FARP2: variants seen among roughly 807,000 people sequenced by gnomAD.
The protein encoded by FARP2 is FERM, ARHGEF and pleckstrin domain-containing protein 2.
In FARP2, 111 loss-of-function variants were observed where a neutral mutation model predicts 130.5. The observed-to-expected ratio is 0.85, with a 90% CI of 0.73 to 1.00. The LOEUF (loss-of-function observed/expected upper bound fraction) is 1.00, where lower values mean the gene tolerates loss of function less well. Ranked by LOEUF, FARP2 falls within the 50% of genes least tolerant of loss-of-function variation. The probability of loss-of-function intolerance (pLI) is 0.00; values close to 1 mark genes in which losing one functional copy is unlikely to be tolerated. For missense variants in FARP2, 1,385 were observed against 1,346.3 expected (o/e 1.03, Z -0.45); for synonymous variants, 504 against 516.9 (o/e 0.98, Z 0.34).
intron 17 of FARP2, among the ~76,000 whole-genome samples, chr2:241,467,912 G>T (rs568884253): frequency 1.3e-5 from 2 of 152,340 alleles, no homozygotes; most frequent in South Asian, 4.1e-4. Flanking sequence ...GGTTAGTGGT[G>T]CATGTAGCAG....
intron 2 of FARP2, among the ~76,000 whole-genome samples, chr2:241,385,794 A>G (rs961939353): frequency 6.6e-6 from 1 of 152,172 alleles, no homozygotes; most frequent in African/African-American, 2.4e-5. Flanking sequence ...CATTTACGTC[A>G]TATCATCCAT....
At chr2:241,434,030 G>T in intron 9 of FARP2, 128 bp from the exon 10 acceptor site, 1 of 736,310 alleles carries the variant, frequency 1.4e-6, no homozygotes, top group South Asian at 1.9e-5. Context: ...GCAAGATCCT[G>T]TCTCAAAAAA....
intron 19 of FARP2, among the ~76,000 whole-genome samples, chr2:241,483,092 C>T (rs572033458): frequency 6.6e-6 from 1 of 152,286 alleles, no homozygotes. Context: ...CGAACCTGCT[C>T]CTGTCCAATG....
chr2:241,465,395 G>T (rs1249876765), intron 17 of FARP2: 1 of 1,280,996 alleles, frequency 7.8e-7, no homozygotes, highest in South Asian at 1.3e-5. Flanking sequence ...TAGCTGCTGT[G>T]GGGAGGGCAG....
chr2:241,408,199 C>T (rs115271170), intron 5 of FARP2, among the ~76,000 whole-genome samples: 11,578 of 152,064 alleles, frequency 0.076, 598 homozygotes, highest in Middle Eastern at 0.12. Context: ...TTTGAAACCC[C>T]GTCTCCACTA....
rs1225569069 is a variant in FARP2 at position 241,460,446 on chromosome 2, CCTT to C, written c.1588-2076_1588-2074del. ...CAGGTGTGACCACCTGCTTGGCTAACCTTTTTTTTTTTTAAGAGACAGGGTCTC... is the reference window on the plus strand; with the variant it reads ...CAGGTGTGACCACCTGCTTGGCTAACTTTTTTTTTTAAGAGACAGGGTCTC... On this transcript the variant is annotated intron_variant, in intron 14 of 26. Transcript: ENST00000264042. Among the ~76,000 whole-genome samples, 93 of 144,856 alleles carry C rather than the reference CCTT, an allele frequency of 6.4e-4. 1 individual carries two copies. The highest frequency in any genetic ancestry group is 2.3e-3 in the African/African-American group (89 of 39,060).
chr2:241,431,623 G>A (rs1574811687), intron 8 of FARP2, 56 bp from the exon 9 acceptor site: 1 of 866,880 alleles, frequency 1.2e-6, no homozygotes, highest in East Asian at 2.6e-5. Context: ...CCTATTTCAT[G>A]AGAAAGGGGT....
rs553324018 is a variant in FARP2 at position 241,487,677 on chromosome 2, A to AG, written c.2422-2285_2422-2284insG. On this transcript the variant is annotated intron_variant, in intron 21 of 26. Coordinates refer to ENST00000264042, the MANE Select transcript of FARP2 (RefSeq NM_014808.4). ...ACAAGACTCCCTCTCAAAAAAAAAAAAAAGAAAGAAAAGAAAATGCATTTA... is the reference window on the plus strand; with the variant it reads ...ACAAGACTCCCTCTCAAAAAAAAAAAGAAAGAAAGAAAAGAAAATGCATTTA... Among the ~76,000 whole-genome samples, 155 of 150,806 alleles carry AG rather than the reference A, an allele frequency of 1.0e-3. 1 individual carries two copies. The highest frequency in any genetic ancestry group is 3.4e-3 in the African/African-American group (140 of 41,114).
intron 17 of FARP2, chr2:241,466,283 C>T: frequency 1.4e-5 from 14 of 985,412 alleles, no homozygotes; most frequent in African/African-American, 1.7e-5. Flanking sequence ...TGGTGAGTCC[C>T]GGAGTAGTGC....
intron 9 of FARP2, 88 bp from the exon 10 acceptor site, chr2:241,434,070 C>A: frequency 1.0e-6 from 1 of 999,488 alleles, no homozygotes; most frequent in Non-Finnish European, 1.5e-6. Context: ...TTTTGGAATT[C>A]CCTATCGTGT....
chr2:241,442,502 CA>C (rs1449182265), intron 13 of FARP2: 2 of 456,188 alleles, frequency 4.4e-6, no homozygotes, highest in Non-Finnish European at 8.8e-6. Context: ...AATTTGACTC[CA>C]GGAGAGCAAA....
intron 2 of FARP2, among the ~76,000 whole-genome samples, chr2:241,396,661 G>A (rs1012598789): frequency 2.4e-4 from 37 of 152,236 alleles, no homozygotes; most frequent in Non-Finnish European, 4.1e-4. Context: ...TTAGAATGGC[G>A]ATCATTAAAA....
At chr2:241,366,116 T>TATATATATACGTATATATATACAC (rs2061306518) in intron 1 of FARP2, among the ~76,000 whole-genome samples, 1 of 32,998 alleles carries the variant, frequency 3.0e-5, no homozygotes, top group African/African-American at 9.5e-5. Flanking sequence ...TATATATATA[T>TATATATATACGTATATATATACAC]ATATACGTAT....
At chr2:241,362,008 C>T (rs1241540079) in intron 1 of FARP2, among the ~76,000 whole-genome samples, 1 of 151,970 alleles carries the variant, frequency 6.6e-6, no homozygotes, top group African/African-American at 2.4e-5. Flanking sequence ...GATTCTCCTG[C>T]CTCAGTCTCC....
Position 241,417,991 on chromosome 2 carries a change from A to G in FARP2, c.653A>G (p.Gln218Arg), listed in dbSNP as rs1208924167. ...CAGACACCTGCTGAGTCGGATTTCC[A>G]GGTGCTCGAAATTGCTCGAAAGTTG... Reference protein sequence around the residue: ...VGQTPAESDFQVLEIARKLEM... With the variant: ...VGQTPAESDFRVLEIARKLEM... Residue 218 changes from glutamine (Q) to arginine (R), a missense_variant, in exon 8 of 27, where the codon CAG becomes CGG. By Grantham distance (43) the Gln-to-Arg change is conservative. Transcript: ENST00000264042. The G allele has an allele frequency of 1.2e-6, 2 of 1,614,070 alleles. No homozygotes were observed. The highest frequency in any genetic ancestry group is 4.5e-5 in the East Asian group (2 of 44,892).
intron 19 of FARP2, among the ~76,000 whole-genome samples, chr2:241,477,123 C>CT (rs71406462): frequency 0.034 from 4,146 of 122,560 alleles, 304 homozygotes; most frequent in African/African-American, 0.11. Context: ...ATTCATGTTC[C>CT]TTTTTTTTTT....
chr2:241,360,816 G>T (rs1013045446), intron 1 of FARP2, among the ~76,000 whole-genome samples: 3 of 152,112 alleles, frequency 2.0e-5, no homozygotes. Context: ...TCCTTTGGCT[G>T]TGTACTTTTT....
intron 15 of FARP2, 138 bp from the exon 16 acceptor site, chr2:241,463,197 G>T: frequency 1.3e-6 from 1 of 794,652 alleles, no homozygotes; most frequent in Middle Eastern, 3.8e-4. Context: ...GATGGCTGTA[G>T]TGCTGATCTG....
intron 2 of FARP2, among the ~76,000 whole-genome samples, chr2:241,389,758 C>A (rs756369922): frequency 2.6e-5 from 4 of 152,076 alleles, no homozygotes; most frequent in Non-Finnish European, 4.4e-5. Flanking sequence ...ATATCTGTTT[C>A]TTTTTTATCT....
Sources: gnomAD v4.1 joint callset for allele counts (sites outside exome capture counted in the v4.1 genomes callset) on GRCh38, gnomAD v4.1.1 for gene constraint, MANE v1.5 for transcripts, NCBI Gene and HGNC (gene_info 2026-07-23, HGNC 2026-07-21) for gene names.